The following JAG1 variants were observed in gnomAD, a reference collection of about 807,000 sequenced individuals.
The protein encoded by JAG1 is jagged canonical Notch ligand 1.
A neutral mutation model predicts 148.7 loss-of-function variants in JAG1; 23 were observed. The ratio of observed to expected loss-of-function variants is 0.15; its 90% CI spans 0.11 to 0.22. JAG1 has a LOEUF of 0.22. Ranked by LOEUF, JAG1 falls within the 10% of genes least tolerant of loss-of-function variation. The probability of loss-of-function intolerance (pLI) is 1.00; values close to 1 mark genes in which losing one functional copy is unlikely to be tolerated. For synonymous variants in JAG1, 572 were observed against 598.3 expected (o/e 0.96, Z 0.64); for missense variants, 1,054 against 1,611.2 (o/e 0.65, Z 5.92).
At chr20:10,646,469 T>C (rs113586932) in intron 14 of JAG1, 8,218 of 362,414 alleles carry the variant, frequency 0.023, 202 homozygotes, top group Admixed American at 0.091. Context: ...TAAGGATAAG[T>C]CTCAACCAGT....
rs1322410496 is a variant in JAG1, at chr20:10,638,877, C to T, written c.*621G>A. 1 of 153,626 alleles carries T rather than the reference C, an allele frequency of 6.5e-6. No homozygotes were observed. The highest frequency in any genetic ancestry group is 1.9e-4 in the East Asian group (1 of 5,210). The allele number at this position is 153,626 out of a possible 1,614,324, so 9.5% of individuals were successfully genotyped here. On this transcript the variant is annotated 3_prime_UTR_variant, in exon 26 of 26. Coordinates refer to ENST00000254958, the MANE Select transcript of JAG1 (RefSeq NM_000214.3). ...ATTAAGTTAATAAATCAAATATACA[C>T]AGTGATTAATAAAAAAGAATTATTT...
At chr20:10,656,777 T>G (rs1366809386) in intron 4 of JAG1, among the ~76,000 whole-genome samples, 1 of 151,936 alleles carries the variant, frequency 6.6e-6, no homozygotes, top group Non-Finnish European at 1.5e-5. Flanking sequence ...CTTGGTCAGT[T>G]TCCATTCTGC....
chr20:10,640,687 G>A, intron 25 of JAG1, 96 bp downstream of exon 25: 3 of 1,304,292 alleles, frequency 2.3e-6, no homozygotes, highest in Non-Finnish European at 3.3e-6. Context: ...CGAGGGTAGG[G>A]CACTGCCAGA....
At chr20:10,664,412 A>ACACACACACACACAC (rs398035347) in intron 2 of JAG1, among the ~76,000 whole-genome samples, 1 of 150,740 alleles carries the variant, frequency 6.6e-6, no homozygotes, top group Admixed American at 6.6e-5. Context: ...ACACACACAC[A>ACACACACACACACAC]AAGAATTTAT....
At chr20:10,660,223 C>A (rs1253635587) in intron 3 of JAG1, among the ~76,000 whole-genome samples, 2 of 152,206 alleles carry the variant, frequency 1.3e-5, no homozygotes, top group Non-Finnish European at 2.9e-5. Context: ...CCAGCGTTCG[C>A]CCTCTAGGGC....
At chr20:10,661,126 T>C (rs1293978693) in intron 3 of JAG1, among the ~76,000 whole-genome samples, 2 of 152,162 alleles carry the variant, frequency 1.3e-5, no homozygotes, top group East Asian at 3.9e-4. Context: ...AGTCCCAAAA[T>C]GTAATAAAAG....
At chr20:10,655,964 T>C (rs2067376064) in intron 5 of JAG1, among the ~76,000 whole-genome samples, 1 of 152,148 alleles carries the variant, frequency 6.6e-6, no homozygotes, top group Non-Finnish European at 1.5e-5. Context: ...GGCCAGGAGA[T>C]TGGACTAATC....
chr20:10,668,011 C>T (rs145242979), intron 2 of JAG1, among the ~76,000 whole-genome samples: 1 of 149,592 alleles, frequency 6.7e-6, no homozygotes, highest in Admixed American at 6.8e-5. Context: ...TATTTATGTA[C>T]TCCTTTAACT....
At chr20:10,663,637 A>C (rs1274444950) in intron 3 of JAG1, among the ~76,000 whole-genome samples, 5 of 152,256 alleles carry the variant, frequency 3.3e-5, no homozygotes, top group African/African-American at 1.2e-4. Flanking sequence ...ACTTTTAAAA[A>C]GTCACTACTT....
intron 25 of JAG1, 138 bp from the exon 26 acceptor site, chr20:10,640,093 A>T: frequency 1.4e-6 from 1 of 726,294 alleles, no homozygotes; most frequent in South Asian, 1.5e-5. Context: ...GTCCCTTTTC[A>T]TCATTGCATA....
Position 10,672,974 on chromosome 20 carries a change from C to T in JAG1, c.114G>A (p.Glu38=). 1 of 1,611,428 alleles carries T rather than the reference C, an allele frequency of 6.2e-7. No individual in the cohort carries two copies. The highest frequency in any genetic ancestry group is 8.5e-7 in the Non-Finnish European group (1 of 1,180,026). The change falls in exon 2 of 26, where the codon GAG becomes GAA. Residue 38 remains glutamate (E), a synonymous_variant. Coordinates refer to ENST00000254958, the MANE Select transcript of JAG1 (RefSeq NM_000214.3). ...CGTTCACGTTCTGCATGGACAGGATCTCCAACTCGAACTGACCCGAGGCCC... is the reference window on the plus strand; with the variant it reads ...CGTTCACGTTCTGCATGGACAGGATTTCCAACTCGAACTGACCCGAGGCCC... The part of the protein sequence containing the change: ...VCGASGQFEL[E]ILSMQNVNGE...
Position 10,654,065 on chromosome 20 carries a change from A to G in JAG1, c.756-1467T>C, listed in dbSNP as rs141292967. ...CCACGTTAGTGGGAGGTAAGGGTGT[A>G]GCCATTCTGTCAAGGCTGATATTCT... On this transcript the variant is annotated intron_variant, in intron 5 of 25. Coordinates refer to ENST00000254958, the MANE Select transcript of JAG1 (RefSeq NM_000214.3). Among the ~76,000 whole-genome samples, 3 of 152,368 alleles carry G rather than the reference A, an allele frequency of 2.0e-5. No homozygotes were observed. The East Asian group carries it at 5.8e-4, about 29-fold the overall frequency.
At chr20:10,659,855 C>T (rs1014654966) in intron 3 of JAG1, among the ~76,000 whole-genome samples, 3 of 152,134 alleles carry the variant, frequency 2.0e-5, no homozygotes, top group African/African-American at 7.2e-5. Flanking sequence ...CCTGAGGCCA[C>T]TTATCATCTA....
chr20:10,667,732 C>T (rs1442463539), intron 2 of JAG1, among the ~76,000 whole-genome samples: 2 of 152,130 alleles, frequency 1.3e-5, no homozygotes, highest in Non-Finnish European at 2.9e-5. Context: ...CAAGGGGCCC[C>T]AAAGCTCATA....
At chr20:10,663,644 A>G (rs11907080) in intron 3 of JAG1, among the ~76,000 whole-genome samples, 3,122 of 152,346 alleles carry the variant, frequency 0.02, 90 homozygotes, top group African/African-American at 0.069. Flanking sequence ...AAAAGTCACT[A>G]CTTTGATCCT....
At chr20:10,660,504 C>A (rs1185589850) in intron 3 of JAG1, among the ~76,000 whole-genome samples, 2 of 152,328 alleles carry the variant, frequency 1.3e-5, no homozygotes, top group African/African-American at 4.8e-5. Flanking sequence ...TAAAGGCATC[C>A]AGCTTCTGAG....
In JAG1 at chr20:10,638,128, G is replaced by C. The variant is rs1478596346; in HGVS notation, c.*1370C>G. ...AATGGTGAACCAACAAGATTACTCT[G>C]TTTTATAAGCCTTTTTGATCTTGAA... On this transcript the variant is annotated 3_prime_UTR_variant, in exon 26 of 26. Coordinates refer to ENST00000254958, the MANE Select transcript of JAG1 (RefSeq NM_000214.3). 6.6e-6 allele frequency: 1 copy of C among 152,600 alleles called. No individual in the cohort carries two copies. Among genetic ancestry groups the C allele is most frequent in the Non-Finnish European group, 1.5e-5 (1 of 68,040 alleles). The allele number at this position is 152,600 out of a possible 1,614,324, so 9.5% of individuals were successfully genotyped here. A position where few individuals can be genotyped will look rare whatever the true frequency, so the allele number is the denominator to read the frequency against.
At chr20:10,664,188 CCTTT>C (rs1316957699) in intron 2 of JAG1, among the ~76,000 whole-genome samples, 174 bp from the exon 3 acceptor site, 1 of 152,192 alleles carries the variant, frequency 6.6e-6, no homozygotes, top group African/African-American at 2.4e-5. Flanking sequence ...AACTCCCCTT[CCTTT>C]GTCAGCACTC....
At position 10,651,689 on chromosome 20, in the gene JAG1, G is replaced by A. The variant is rs1299376776; in HGVS notation, c.1012C>T (p.His338Tyr). 1.2e-6 allele frequency: 2 copies of A among 1,610,252 alleles called. No homozygotes were observed. The highest frequency in any genetic ancestry group is 1.7e-6 in the Non-Finnish European group (2 of 1,176,884). The part of the protein sequence containing the change: ...YSGPNCEIAE[H>Y]ACLSDPCHNR... The stretch of plus-strand genomic sequence containing the variant: ...TGACAGGGATCAGAGAGGCAGGCGT[G>A]CTCAGCTGCAAAAACCAGGATGGCA... Residue 338 changes from histidine to tyrosine, a missense_variant, in exon 8 of 26, where the codon CAC (histidine) becomes TAC (tyrosine). Around this residue, in one of 6 missense-constraint regions of JAG1, gnomAD observed 245 missense variants for 373.1 expected, o/e 0.66. Coordinates refer to ENST00000254958, the MANE Select transcript of JAG1 (RefSeq NM_000214.3).
Sources: allele counts gnomAD v4.1 joint callset (sites outside exome capture counted in the v4.1 genomes callset), GRCh38; gene constraint gnomAD v4.1.1; regional missense constraint gnomAD v4.1.1; transcripts MANE v1.5; gene names NCBI Gene and HGNC (gene_info 2026-07-23, HGNC 2026-07-21).